RIMS2: variants seen among roughly 807,000 people sequenced by gnomAD.
RIMS2 encodes the protein regulating synaptic membrane exocytosis 2.
A neutral mutation model predicts 174.4 loss-of-function variants in RIMS2; 59 were observed. The observed-to-expected ratio is 0.34, with a 90% CI of 0.27 to 0.42. The LOEUF (loss-of-function observed/expected upper bound fraction) is 0.42. Among genes scored for constraint, RIMS2 ranks in the 10% least tolerant of loss-of-function variants. RIMS2 has a pLI of 1.00. For synonymous variants in RIMS2, 606 were observed against 572.5 expected (o/e 1.06, Z -0.84); for missense variants, 1,620 against 1,666.3 (o/e 0.97, Z 0.48).
At chr8:103,670,893 C>T (rs2096735766) in intron 1 of RIMS2, among the ~76,000 whole-genome samples, 1 of 152,202 alleles carries the variant, frequency 6.6e-6, no homozygotes, top group South Asian at 2.1e-4. Context: ...AAAGTTGCTT[C>T]CACATTTTCA....
intron 1 of RIMS2, among the ~76,000 whole-genome samples, chr8:103,529,696 A>G (rs1269220618): frequency 6.6e-6 from 1 of 152,128 alleles, no homozygotes; most frequent in Non-Finnish European, 1.5e-5. Context: ...GAAATCCAGA[A>G]ATCACCCATC....
rs2098728004 is a variant in RIMS2, at chr8:103,817,929, A to C, written c.698+51392A>C. On this transcript the variant is annotated intron_variant, in intron 3 of 23. Coordinates refer to ENST00000504942, the Ensembl canonical transcript of RIMS2. ...AAACTAAAAATACTTTATGATTTTTAGGTATGTATGTGTGTTTGACAAATA... is the reference window on the plus strand; with the variant it reads ...AAACTAAAAATACTTTATGATTTTTCGGTATGTATGTGTGTTTGACAAATA... 3.3e-5 allele frequency among the ~76,000 whole-genome samples: 5 copies of C among 152,062 alleles called. No homozygotes were observed. The South Asian group carries it at 1.0e-3, about 31-fold the overall frequency.
intron 1 of RIMS2, among the ~76,000 whole-genome samples, chr8:103,562,124 A>T (rs1426598038): frequency 6.6e-6 from 1 of 152,066 alleles, no homozygotes; most frequent in Non-Finnish European, 1.5e-5. Context: ...ATATCATTTC[A>T]CCCCTGGTCA....
chr8:103,789,663 T>C (rs956865300), intron 3 of RIMS2, among the ~76,000 whole-genome samples: 1 of 152,076 alleles, frequency 6.6e-6, no homozygotes, highest in Non-Finnish European at 1.5e-5. Flanking sequence ...CAAATACTTT[T>C]CCCCAGTTTA....
chr8:103,656,690 A>G (rs2096535764), intron 1 of RIMS2, among the ~76,000 whole-genome samples: 1 of 152,224 alleles, frequency 6.6e-6, no homozygotes, highest in African/African-American at 2.4e-5. Context: ...TAAATCCATC[A>G]GAAAATTGAG....
At chr8:104,168,428 T>G (rs1379653590) in intron 19 of RIMS2, among the ~76,000 whole-genome samples, 1 of 152,150 alleles carries the variant, frequency 6.6e-6, no homozygotes, top group Non-Finnish European at 1.5e-5. Flanking sequence ...TTGCAGCTCT[T>G]GTAAAAGGGA....
chr8:103,841,351 C>G (rs2098938669), intron 3 of RIMS2, among the ~76,000 whole-genome samples: 1 of 151,960 alleles, frequency 6.6e-6, no homozygotes, highest in Non-Finnish European at 1.5e-5. Flanking sequence ...CCTACTTTCT[C>G]TCTCTCATAC....
intron 19 of RIMS2, among the ~76,000 whole-genome samples, chr8:104,066,600 A>C (rs1008605329): frequency 1.3e-5 from 2 of 152,140 alleles, no homozygotes; most frequent in Non-Finnish European, 2.9e-5. Flanking sequence ...AAAGAATTCC[A>C]AAGTTGTATT....
At chr8:103,834,724 CTT>C (rs1358181471) in intron 3 of RIMS2, among the ~76,000 whole-genome samples, 13 of 112,116 alleles carry the variant, frequency 1.2e-4, no homozygotes, top group South Asian at 8.8e-4. Flanking sequence ...TTCTTTCTTT[CTT>C]TCTTTCTTTC....
intron 19 of RIMS2, among the ~76,000 whole-genome samples, chr8:104,171,254 T>C (rs1479108840): frequency 6.6e-6 from 1 of 152,128 alleles, no homozygotes; most frequent in African/African-American, 2.4e-5. Flanking sequence ...TTAGACTTCA[T>C]TTCTCCCTCA....
At chr8:103,568,195 G>A (rs2092525411) in intron 1 of RIMS2, among the ~76,000 whole-genome samples, 1 of 152,136 alleles carries the variant, frequency 6.6e-6, no homozygotes, top group Non-Finnish European at 1.5e-5. Context: ...CTACTCAGGA[G>A]GCTGAGGTGG....
intron 3 of RIMS2, among the ~76,000 whole-genome samples, chr8:103,847,281 G>C (rs575156008): frequency 1.9e-4 from 29 of 152,068 alleles, no homozygotes; most frequent in Admixed American, 1.9e-3. Flanking sequence ...ACGTATCGGG[G>C]GCATAGCAGC....
At chr8:103,714,501 T>C (rs1172081630) in intron 2 of RIMS2, among the ~76,000 whole-genome samples, 2 of 152,108 alleles carry the variant, frequency 1.3e-5, no homozygotes, top group Non-Finnish European at 2.9e-5. Flanking sequence ...TTTAACTATA[T>C]AGAATATAGA....
At chr8:103,669,319 C>T (rs566573850) in intron 1 of RIMS2, among the ~76,000 whole-genome samples, 23 of 152,290 alleles carry the variant, frequency 1.5e-4, no homozygotes, top group Non-Finnish European at 2.8e-4. Flanking sequence ...ATTATGGAAG[C>T]TACAATTCAA....
intron 19 of RIMS2, among the ~76,000 whole-genome samples, chr8:104,065,901 C>A (rs1268051551): frequency 2.6e-5 from 4 of 152,044 alleles, no homozygotes; most frequent in Non-Finnish European, 4.4e-5. Context: ...TTTGTTTATC[C>A]AGCAAATACA....
chr8:104,202,870 T>C (rs1164657947), intron 19 of RIMS2, among the ~76,000 whole-genome samples: 2 of 152,202 alleles, frequency 1.3e-5, no homozygotes, highest in Non-Finnish European at 2.9e-5. Flanking sequence ...TAAATCACAA[T>C]AATTTTTCTC....
intron 1 of RIMS2, among the ~76,000 whole-genome samples, chr8:103,590,308 C>T (rs1241636979): frequency 1.3e-5 from 2 of 151,320 alleles, no homozygotes; most frequent in Non-Finnish European, 3.0e-5. Context: ...TTCAGTAAAG[C>T]TTCAGGATAC....
Position 103,949,287 on chromosome 8 carries a change from A to G in RIMS2, c.2701+6361A>G, listed in dbSNP as rs147430605. 1.7e-3 allele frequency among the ~76,000 whole-genome samples: 253 copies of G among 152,304 alleles called. 3 individuals carry two copies. The highest frequency in any genetic ancestry group is 5.6e-3 in the African/African-American group (231 of 41,580). The stretch of plus-strand genomic sequence containing the variant: ...ACTCCGCTGTCAATGTTTGTAGAAC[A>G]AATAGAAGGCTTGAAGGTTTTATCT... On this transcript the variant is annotated intron_variant, in intron 14 of 23. Transcript: ENST00000504942.
intron 1 of RIMS2, among the ~76,000 whole-genome samples, chr8:103,571,955 G>A (rs1312513049): frequency 2.6e-5 from 4 of 152,164 alleles, no homozygotes; most frequent in Non-Finnish European, 5.9e-5. Flanking sequence ...AAGCAACAGC[G>A]TCAATAATAG....
Sources: allele counts gnomAD v4.1 joint callset (sites outside exome capture counted in the v4.1 genomes callset), GRCh38; gene constraint gnomAD v4.1.1; transcripts MANE v1.5; gene names NCBI Gene and HGNC (gene_info 2026-07-23, HGNC 2026-07-21).